Variants in MRPL1 observed in about 807,000 individuals in gnomAD.
MRPL1 encodes the protein large ribosomal subunit protein uL1m.
A neutral mutation model predicts 38.0 loss-of-function variants in MRPL1; 28 were observed. That is an observed-to-expected ratio of 0.74 (90% CI 0.55 to 1.01). The LOEUF (loss-of-function observed/expected upper bound fraction) is 1.01. Among genes scored for constraint, MRPL1 ranks in the 50% least tolerant of loss-of-function variants. The pLI is 0.00. For missense variants in MRPL1, 358 were observed against 389.8 expected (o/e 0.92, Z 0.69); for synonymous variants, 123 against 126.7 (o/e 0.97, Z 0.20).
chr4:77,940,975 G>GCTGGGTGCA (rs1737112021), intron 7 of MRPL1, among the ~76,000 whole-genome samples: 1 of 152,010 alleles, frequency 6.6e-6, no homozygotes, highest in South Asian at 2.1e-4. Flanking sequence ...GCATCTATAG[G>GCTGGGTGCA]CTGGGTGCAG....
intron 7 of MRPL1, among the ~76,000 whole-genome samples, chr4:77,944,849 A>G (rs1251984164): frequency 1.3e-5 from 2 of 152,102 alleles, no homozygotes; most frequent in African/African-American, 4.8e-5. Flanking sequence ...AAGATCACGA[A>G]CTTGTAATAG....
chr4:77,867,740 T>C (rs1735179298), intron 1 of MRPL1, among the ~76,000 whole-genome samples: 1 of 132,608 alleles, frequency 7.5e-6, no homozygotes, highest in Non-Finnish European at 1.6e-5. Context: ...CCTTGGATAG[T>C]TATTTCTTTT....
intron 7 of MRPL1, among the ~76,000 whole-genome samples, chr4:77,940,553 C>G (rs1431568903): frequency 6.6e-6 from 1 of 152,134 alleles, no homozygotes; most frequent in Non-Finnish European, 1.5e-5. Context: ...TGTCTAATTG[C>G]TCTGGCTAGG....
intron 5 of MRPL1, among the ~76,000 whole-genome samples, chr4:77,890,739 C>A (rs933158807): frequency 6.6e-6 from 1 of 152,172 alleles, no homozygotes; most frequent in Non-Finnish European, 1.5e-5. Flanking sequence ...AAAACCCCAT[C>A]GTCTCAGCCC....
At chr4:77,873,121 A>G (rs1735321180) in intron 2 of MRPL1, among the ~76,000 whole-genome samples, 1 of 152,234 alleles carries the variant, frequency 6.6e-6, no homozygotes, top group South Asian at 2.1e-4. Flanking sequence ...TTTCTTGCCA[A>G]AAAGCTCTAG....
At chr4:77,924,588 T>C (rs1306510570) in intron 7 of MRPL1, among the ~76,000 whole-genome samples, 1 of 152,160 alleles carries the variant, frequency 6.6e-6, no homozygotes, top group African/African-American at 2.4e-5. Flanking sequence ...ATTACATTTT[T>C]TTTCATAGTG....
At chr4:77,893,609 GTCT>G (rs1735852737) in intron 5 of MRPL1, among the ~76,000 whole-genome samples, 2 of 152,148 alleles carry the variant, frequency 1.3e-5, no homozygotes, top group African/African-American at 4.8e-5. Flanking sequence ...TGATCACCAC[GTCT>G]TCTTTTATTC....
At chr4:77,918,640 A>G (rs1736483239) in intron 7 of MRPL1, among the ~76,000 whole-genome samples, 1 of 152,210 alleles carries the variant, frequency 6.6e-6, no homozygotes. Flanking sequence ...TCATGTGATC[A>G]TATACCTGGC....
chr4:77,867,949 G>T (rs181075720), intron 1 of MRPL1, among the ~76,000 whole-genome samples: 7,717 of 151,602 alleles, frequency 0.051, 238 homozygotes, highest in African/African-American at 0.086. Flanking sequence ...GTAGAGACGG[G>T]GTTTCACCGT....
rs1737439260 is a variant in MRPL1 at position 77,952,756 on chromosome 4, T to C, written c.*149T>C. 2 of 582,784 alleles carry C rather than the reference T, an allele frequency of 3.4e-6. No homozygotes were observed. The highest frequency in any genetic ancestry group is 5.9e-6 in the Non-Finnish European group (2 of 340,390). The allele number at this position is 582,784 out of a possible 1,614,324, so 36.1% of individuals were successfully genotyped here. A position where few individuals can be genotyped will look rare whatever the true frequency, so the allele number is the denominator to read the frequency against. On this transcript the variant is annotated 3_prime_UTR_variant, in exon 9 of 9. Coordinates refer to ENST00000315567, the MANE Select transcript of MRPL1 (RefSeq NM_020236.4). ...AAAAATCGTACAGTCATTTCAAGAA[T>C]AAGAAAATAAAATTTTCTCTTTGTC...
chr4:77,922,862 A>G (rs1195392251), intron 7 of MRPL1, among the ~76,000 whole-genome samples: 3 of 152,212 alleles, frequency 2.0e-5, no homozygotes, highest in Non-Finnish European at 1.5e-5. Context: ...GATGCCTTTT[A>G]GATGTCCAAA....
At chr4:77,869,858 T>A (rs1735234724) in intron 1 of MRPL1, among the ~76,000 whole-genome samples, 1 of 152,114 alleles carries the variant, frequency 6.6e-6, no homozygotes, top group African/African-American at 2.4e-5. Flanking sequence ...CCCAAAGTGC[T>A]GGGATTACAG....
chr4:77,886,653 T>A (rs1735683028), intron 4 of MRPL1, among the ~76,000 whole-genome samples: 1 of 151,942 alleles, frequency 6.6e-6, no homozygotes, highest in African/African-American at 2.4e-5. Flanking sequence ...ATTTTTAATA[T>A]TTTTTTGTAG....
chr4:77,900,992 G>A (rs1001049834), intron 6 of MRPL1, among the ~76,000 whole-genome samples: 4 of 151,992 alleles, frequency 2.6e-5, no homozygotes, highest in Admixed American at 6.6e-5. Context: ...ATTAAATGTA[G>A]GGGGTAAGGG....
At chr4:77,945,131 T>A (rs1429484497) in intron 7 of MRPL1, among the ~76,000 whole-genome samples, 39 of 28,316 alleles carry the variant, frequency 1.4e-3, no homozygotes, top group African/African-American at 3.8e-3. Flanking sequence ...CACCATCAAT[T>A]ATTATTATTA....
At chr4:77,909,498 A>G in intron 7 of MRPL1, 126 bp downstream of exon 7, 1 of 618,596 alleles carries the variant, frequency 1.6e-6, no homozygotes, top group Non-Finnish European at 2.8e-6. Context: ...TAAGAATGGC[A>G]TTAAACATAC....
chr4:77,916,114 G>GA (rs1222999793), intron 7 of MRPL1, among the ~76,000 whole-genome samples: 3 of 152,080 alleles, frequency 2.0e-5, no homozygotes, highest in Non-Finnish European at 4.4e-5. Context: ...CTCAAAAAAT[G>GA]AATTTGAGAC....
intron 7 of MRPL1, among the ~76,000 whole-genome samples, chr4:77,917,745 T>C (rs1223298746): frequency 3.9e-5 from 6 of 151,998 alleles, no homozygotes; most frequent in Admixed American, 2.0e-4. Context: ...GAAAATGTGG[T>C]GAGTATAATA....
intron 1 of MRPL1, among the ~76,000 whole-genome samples, chr4:77,865,273 C>T (rs375116603): frequency 2.6e-5 from 4 of 152,304 alleles, no homozygotes; most frequent in African/African-American, 7.2e-5. Context: ...TTATACTCAT[C>T]TGAGTATTCT....
Sources: gnomAD v4.1 joint callset for allele counts (sites outside exome capture counted in the v4.1 genomes callset) on GRCh38, gnomAD v4.1.1 for gene constraint, MANE v1.5 for transcripts, NCBI Gene and HGNC (gene_info 2026-07-23, HGNC 2026-07-21) for gene names.